CFAP119: variants seen among roughly 807,000 people sequenced by gnomAD.
The protein encoded by CFAP119 is cilia- and flagella-associated protein 119.
At chr16:30,761,007 CT>C in the CFAP119 span, 1 of 654,040 alleles carries the variant, frequency 1.5e-6, no homozygotes, top group Non-Finnish European at 2.6e-6. Context: ...GTCTTTGGCT[CT>C]TTTTTTCTCA....
the CFAP119 span, chr16:30,760,525 A>C: frequency 1.2e-6 from 2 of 1,608,162 alleles, no homozygotes; most frequent in Non-Finnish European, 1.7e-6. Context: ...CATGCTTTGG[A>C]GTCAGCCATT....
chr16:30,759,006 C>T, the CFAP119 span: 1 of 1,614,222 alleles, frequency 6.2e-7, no homozygotes. Flanking sequence ...CTCTCCAGAT[C>T]CTCACTTGGC....
At chr16:30,761,796 G>A in the CFAP119 span, 7 of 1,476,710 alleles carry the variant, frequency 4.7e-6, no homozygotes, top group Non-Finnish European at 6.3e-6. Context: ...CCGCCGCCTA[G>A]GTTCCAGGAC....
At chr16:30,760,678 TAAAAGA>T in the CFAP119 span, 17 of 1,522,588 alleles carry the variant, frequency 1.1e-5, no homozygotes, top group South Asian at 2.5e-5. Flanking sequence ...CCTGTTATAG[TAAAAGA>T]AAAAGAGTAT....
At chr16:30,761,734 C>A in the CFAP119 span, 1 of 1,525,120 alleles carries the variant, frequency 6.6e-7, no homozygotes, top group Admixed American at 2.0e-5. Context: ...AGTGGCTGGT[C>A]TTGCGGTTGA....
At chr16:30,761,684 G>C in the CFAP119 span, 2 of 1,535,858 alleles carry the variant, frequency 1.3e-6, no homozygotes, top group Non-Finnish European at 1.7e-6. Flanking sequence ...CCGCAGCTCG[G>C]AGAGATGTTC....
At chr16:30,761,584 C>T in the CFAP119 span, 1 of 1,536,124 alleles carries the variant, frequency 6.5e-7, no homozygotes, top group Non-Finnish European at 8.7e-7. Flanking sequence ...CCGCTTTCGC[C>T]GCCGCCGCCG....
chr16:30,760,899 C>G, the CFAP119 span: 1 of 618,538 alleles, frequency 1.6e-6, no homozygotes. Flanking sequence ...TCTGCTCTGC[C>G]ACTACCTTGT....
chr16:30,760,136 T>TTCTAGATAA, the CFAP119 span: 1 of 1,561,940 alleles, frequency 6.4e-7, no homozygotes, highest in Non-Finnish European at 8.6e-7. Context: ...AGCAGTGGAT[T>TTCTAGATAA]GGAAAGCTGA....
At chr16:30,760,331 G>A in the CFAP119 span, 23 of 1,614,102 alleles carry the variant, frequency 1.4e-5, no homozygotes, top group Middle Eastern at 1.6e-4. Flanking sequence ...AGCCGCTGAC[G>A]TCTGCTCCAG....
At chr16:30,759,698 A>G in the CFAP119 span, 1 of 1,613,192 alleles carries the variant, frequency 6.2e-7, no homozygotes, top group South Asian at 1.1e-5. Flanking sequence ...TAGCGGTAGC[A>G]CTCCTCCACG....
chr16:30,759,603 G>A, the CFAP119 span: 2 of 1,614,126 alleles, frequency 1.2e-6, no homozygotes, highest in Admixed American at 3.3e-5. Context: ...GACTGGGTGA[G>A]ACCTTGTCTG....
chr16:30,761,881 G>A, the CFAP119 span: 1 of 899,286 alleles, frequency 1.1e-6, no homozygotes, highest in African/African-American at 1.7e-5. Flanking sequence ...GCGGAGAGGC[G>A]CGGCGGGGCG....
At chr16:30,762,062 C>T in the CFAP119 span, 1 of 440,332 alleles carries the variant, frequency 2.3e-6, no homozygotes, top group Non-Finnish European at 4.0e-6. Context: ...GTTGCTAATA[C>T]GAGGGCCGGT....
the CFAP119 span, chr16:30,761,486 G>C: frequency 3.3e-6 from 5 of 1,529,474 alleles, no homozygotes; most frequent in Non-Finnish European, 4.4e-6. Flanking sequence ...GACAGGTGGC[G>C]CCTGCGGGGG....
the CFAP119 span, chr16:30,761,435 CA>C: frequency 6.7e-7 from 1 of 1,482,754 alleles, no homozygotes; most frequent in Non-Finnish European, 9.2e-7. Flanking sequence ...TCTCCTCGCC[CA>C]AGCAGCCCGG....
At chr16:30,762,001 C>G in the CFAP119 span, 1 of 537,172 alleles carries the variant, frequency 1.9e-6, no homozygotes, top group Non-Finnish European at 3.3e-6. Flanking sequence ...GAAGAGAACG[C>G]GCAGATACGT....
chr16:30,761,946 G>A, the CFAP119 span: 1 of 595,664 alleles, frequency 1.7e-6, no homozygotes. Context: ...AAGGGGGCTT[G>A]TGAGGGAAGG....
the CFAP119 span, chr16:30,761,456 C>T: frequency 2.0e-6 from 3 of 1,512,276 alleles, no homozygotes; most frequent in African/African-American, 1.4e-5. Context: ...GGAGACGTCC[C>T]GAACGTTAGT....
Sources: gnomAD v4.1 joint callset for allele counts on GRCh38, gnomAD v4.1.1 for gene constraint, MANE v1.5 for transcripts, NCBI Gene and HGNC (gene_info 2026-07-23, HGNC 2026-07-21) for gene names.